ZNF490: variants seen among roughly 807,000 people sequenced by gnomAD.
ZNF490 encodes the protein zinc finger protein 490.
Under a neutral mutation model 17.7 loss-of-function variants are expected in ZNF490, and 11 were observed. The observed-to-expected ratio is 0.62, with a 90% CI of 0.39 to 1.03. The LOEUF (loss-of-function observed/expected upper bound fraction) is 1.03, where lower values mean the gene tolerates loss of function less well. Among genes scored for constraint, ZNF490 ranks in the 50% least tolerant of loss-of-function variants. The probability of loss-of-function intolerance (pLI) is 0.00; values close to 1 mark genes in which losing one functional copy is unlikely to be tolerated. For synonymous variants in ZNF490, 222 were observed against 216.1 expected (o/e 1.03, Z -0.24); for missense variants, 542 against 643.4 (o/e 0.84, Z 1.71).
At chr19:12,601,767 C>T (rs1000275387) in intron 2 of ZNF490, among the ~76,000 whole-genome samples, 7 of 151,460 alleles carry the variant, frequency 4.6e-5, no homozygotes, top group African/African-American at 7.3e-5. Context: ...CCAAGGCGGG[C>T]GGATCACGAG....
At position 12,580,581 on chromosome 19, in the gene ZNF490, T is replaced by A. The variant is rs764007344; in HGVS notation, c.1494A>T (p.Gly498=). Residue 498 remains glycine (G), a synonymous_variant, in exon 5 of 5, where the codon GGA becomes GGT. Coordinates refer to ENST00000311437, the MANE Select transcript of ZNF490 (RefSeq NM_020714.3). ...ATTGTCTACACTGAAAGGGTCTTTC[T>A]CCAGTATGAATTCTTTTGTGTACTT... The part of the protein sequence containing the change: ...SLKVHKRIHT[G]ERPFQCRQCG... The A allele has an allele frequency of 3.1e-6, 5 of 1,614,078 alleles. No individual in the cohort carries two copies. The highest frequency in any genetic ancestry group is 1.7e-5 in the Admixed American group (1 of 60,002).
intron 2 of ZNF490, among the ~76,000 whole-genome samples, chr19:12,605,119 C>T (rs1426058762): frequency 6.6e-6 from 1 of 152,120 alleles, no homozygotes; most frequent in African/African-American, 2.4e-5. Flanking sequence ...TGCTGCTACA[C>T]TCCAGCCTGG....
chr19:12,587,925 G>A lies in ZNF490; in HGVS notation c.163-4369C>T, dbSNP rs1365368625. Among the ~76,000 whole-genome samples the A allele has an allele frequency of 1.4e-4, 13 of 90,416 alleles. 6 individuals are homozygous for A. Among genetic ancestry groups the A allele is most frequent in the Non-Finnish European group, 3.9e-4 (13 of 33,672 alleles). 59.3% of individuals were successfully genotyped at this position (90,416 alleles called of 152,430 possible). On this transcript the variant is annotated intron_variant, in intron 2 of 4. Transcript: ENST00000311437. ...GCTCTTGTTGCCCAGGCTGGAGTGCGATGGCGCAATCTCGGCTCGCTACAA... is the reference window on the plus strand; with the variant it reads ...GCTCTTGTTGCCCAGGCTGGAGTGCAATGGCGCAATCTCGGCTCGCTACAA...
chr19:12,590,413 C>T (rs1382885026), intron 2 of ZNF490, among the ~76,000 whole-genome samples: 1 of 151,758 alleles, frequency 6.6e-6, no homozygotes, highest in East Asian at 1.9e-4. Flanking sequence ...GATGGGGTTT[C>T]ACCATGTTGG....
At chr19:12,599,139 CAAAAAAAAAA>C (rs55911311) in intron 2 of ZNF490, among the ~76,000 whole-genome samples, 5 of 68,620 alleles carry the variant, frequency 7.3e-5, no homozygotes, top group African/African-American at 2.0e-4. Flanking sequence ...GACTCTGTCT[CAAAAAAAAAA>C]AAAAAAAAAA....
At chr19:12,590,936 T>TAAAA (rs1568280040) in intron 2 of ZNF490, among the ~76,000 whole-genome samples, 45 of 130,604 alleles carry the variant, frequency 3.4e-4, no homozygotes, top group Admixed American at 1.7e-3. Context: ...AAAAAAAAAT[T>TAAAA]TTTTTTAAAT....
intron 2 of ZNF490, among the ~76,000 whole-genome samples, chr19:12,592,696 C>A (rs866301071): frequency 2.0e-5 from 3 of 152,018 alleles, no homozygotes; most frequent in Non-Finnish European, 2.9e-5. Flanking sequence ...CAGAGTCAGC[C>A]CTAATGTAAA....
intron 2 of ZNF490, among the ~76,000 whole-genome samples, chr19:12,584,576 C>T (rs2145144951): frequency 1.1e-5 from 1 of 95,008 alleles, no homozygotes; most frequent in South Asian, 2.8e-4. Context: ...TCATTTTCTA[C>T]CTTATTACAT....
rs2023139340 is a variant in ZNF490 at position 12,610,689 on chromosome 19, C to A, written c.-9G>T. ...CTGGAATTCCTGCGCATCCCTGTCCCCGCATCCAGAAACACTGCAGGAAGA... is the reference window on the plus strand; with the variant it reads ...CTGGAATTCCTGCGCATCCCTGTCCACGCATCCAGAAACACTGCAGGAAGA... On this transcript the variant is annotated 5_prime_UTR_variant, in exon 1 of 5. Coordinates refer to ENST00000311437, the MANE Select transcript of ZNF490 (RefSeq NM_020714.3). 2 of 1,612,938 alleles carry A rather than the reference C, an allele frequency of 1.2e-6. No homozygotes were observed. The highest frequency in any genetic ancestry group is 2.2e-5 in the South Asian group (2 of 91,064).
chr19:12,581,399 C>G lies in ZNF490; in HGVS notation c.676G>C (p.Glu226Gln), dbSNP rs200865674. ...AGAAATGCGAAGGCTTTGCCACATT[C>G]CTTACATTCATAGGGTTTCTCTCCA... is the stretch of plus-strand genomic sequence containing the variant. ...HTGEKPYECK[E>Q]CGKAFAFLFS... The change falls in exon 5 of 5, where the codon GAA becomes CAA. Residue 226 changes from glutamate to glutamine, a missense_variant. Coordinates refer to ENST00000311437, the MANE Select transcript of ZNF490 (RefSeq NM_020714.3). The G allele has an allele frequency of 5.0e-6, 8 of 1,613,362 alleles. No homozygotes were observed. The highest frequency in any genetic ancestry group is 6.8e-6 in the Non-Finnish European group (8 of 1,179,828).
At chr19:12,596,859 G>A (rs551819579) in intron 2 of ZNF490, among the ~76,000 whole-genome samples, 1 of 152,256 alleles carries the variant, frequency 6.6e-6, no homozygotes, top group African/African-American at 2.4e-5. Flanking sequence ...TTAATGTTCT[G>A]ACCCAAATGG....
intron 2 of ZNF490, among the ~76,000 whole-genome samples, chr19:12,596,905 C>T (rs1038031616): frequency 6.6e-6 from 1 of 152,242 alleles, no homozygotes; most frequent in African/African-American, 2.4e-5. Flanking sequence ...ATGACTTTCC[C>T]GTGGCCCCTG....
intron 1 of ZNF490, among the ~76,000 whole-genome samples, chr19:12,610,174 G>A (rs1166452499): frequency 1.3e-5 from 2 of 151,002 alleles, no homozygotes; most frequent in African/African-American, 4.9e-5. Flanking sequence ...CCAAGTGCTC[G>A]GGTGTCCTAC....
intron 2 of ZNF490, among the ~76,000 whole-genome samples, chr19:12,595,736 G>T (rs1172554466): frequency 6.6e-6 from 1 of 152,050 alleles, no homozygotes; most frequent in Non-Finnish European, 1.5e-5. Flanking sequence ...GATCACCTGA[G>T]GTCAGGAGTT....
chr19:12,580,732 C>A lies in ZNF490; in HGVS notation c.1343G>T (p.Cys448Phe). 1 of 1,614,180 alleles carries A rather than the reference C, an allele frequency of 6.2e-7. No homozygotes were observed. The highest frequency in any genetic ancestry group is 2.2e-5 in the East Asian group (1 of 44,888). The change falls in exon 5 of 5, where the codon TGC (cysteine) becomes TTC (phenylalanine). Residue 448 changes from cysteine to phenylalanine, a missense_variant. Physicochemically the swap from Cys to Phe is radical, Grantham distance 205. Coordinates refer to ENST00000311437, the MANE Select transcript of ZNF490 (RefSeq NM_020714.3). ...RTHTREKPYE[C>F]KQCGRVFIYF... ...AATGAAGACCCGACCACACTGTTTG[C>A]ATTCATAGGGTTTCTCTCTAGTATG...
Position 12,577,721 on chromosome 19 carries a change from G to C in ZNF490, c.*2764C>G, listed in dbSNP as rs1471239283. ...GCCACCTGACCCATCCCTGCTGTTG[G>C]GGGAGGGTGGAGGCCAGAGGCCTAA... On this transcript the variant is annotated 3_prime_UTR_variant, in exon 5 of 5. Transcript: ENST00000311437. 1.0e-6 allele frequency: 1 copy of C among 985,522 alleles called. No individual in the cohort carries two copies. The allele number at this position is 985,522 out of a possible 1,614,324, so 61.0% of individuals were successfully genotyped here.
At chr19:12,583,037 C>A in intron 3 of ZNF490, 127 bp from the exon 4 acceptor site, 2 of 781,860 alleles carry the variant, frequency 2.6e-6, no homozygotes, top group Non-Finnish European at 3.9e-6. Flanking sequence ...AAAGTATTCT[C>A]TTCCCACATT....
At chr19:12,581,998 T>G (rs1336438479) in intron 4 of ZNF490, among the ~76,000 whole-genome samples, 3 of 152,216 alleles carry the variant, frequency 2.0e-5, no homozygotes, top group Admixed American at 2.0e-4. Flanking sequence ...CTCAGCTCAC[T>G]GCAACCTCCG....
Position 12,576,813 on chromosome 19 carries a change from C to CAAA in ZNF490, c.*3669_*3671dup, listed in dbSNP as rs149742929. Among the ~76,000 whole-genome samples the CAAA allele has an allele frequency of 6.4e-3, 238 of 37,440 alleles. 15 individuals carry two copies. Among genetic ancestry groups the CAAA allele is most frequent in the African/African-American group, 0.023 (219 of 9,676 alleles). The allele number at this position is 37,440 out of a possible 152,430, so 24.6% of individuals were successfully genotyped here. A position where few individuals can be genotyped will look rare whatever the true frequency, so the allele number is the denominator to read the frequency against. ...GCCTGGCAACAGTGAGAATCCATCTCAAAAAAAAAAAAAAAAAAAAAAACC... is the reference window on the plus strand; with the variant it reads ...GCCTGGCAACAGTGAGAATCCATCTCAAAAAAAAAAAAAAAAAAAAAAAAAACC... On this transcript the variant is annotated 3_prime_UTR_variant, in exon 5 of 5. Coordinates refer to ENST00000311437, the MANE Select transcript of ZNF490 (RefSeq NM_020714.3).
Sources: allele counts gnomAD v4.1 joint callset (sites outside exome capture counted in the v4.1 genomes callset), GRCh38; gene constraint gnomAD v4.1.1; transcripts MANE v1.5; gene names NCBI Gene and HGNC (gene_info 2026-07-23, HGNC 2026-07-21).